EBNA1BP2: variants seen among roughly 807,000 people sequenced by gnomAD.
EBNA1BP2 encodes the protein EBNA1 binding protein 2, also known as probable rRNA-processing protein EBP2.
Under a neutral mutation model 43.5 loss-of-function variants are expected in EBNA1BP2, and 36 were observed. That is an observed-to-expected ratio of 0.83 (90% CI 0.63 to 1.09). The LOEUF (loss-of-function observed/expected upper bound fraction) is 1.09. Ranked by LOEUF, EBNA1BP2 falls within the 50% of genes least tolerant of loss-of-function variation. The pLI, the probability that EBNA1BP2 is intolerant of heterozygous loss-of-function variation, is 0.00. For synonymous variants in EBNA1BP2, 127 were observed against 141.3 expected (o/e 0.90, Z 0.72); for missense variants, 332 against 379.1 (o/e 0.88, Z 1.03).
chr1:43,164,342 G>T lies in EBNA1BP2; in HGVS notation c.*101C>A. The T allele has an allele frequency of 7.0e-7, 1 of 1,429,026 alleles. No individual in the cohort carries two copies. The highest frequency in any genetic ancestry group is 1.2e-5 in the South Asian group (1 of 83,994). 88.5% of individuals were successfully genotyped at this position (1,429,026 alleles called of 1,614,324 possible). ...ATAATTTTTCTTTAGTTTATTGAAA[G>T]AAATGTTTACAACATGACACCAACA... On this transcript the variant is annotated 3_prime_UTR_variant, in exon 9 of 9. Transcript: ENST00000236051.
chr1:43,164,559 A>T lies in EBNA1BP2; in HGVS notation c.871-66T>A, dbSNP rs1187202594. 3 of 1,613,954 alleles carry T rather than the reference A, an allele frequency of 1.9e-6. No individual in the cohort carries two copies. The African/African-American group carries it at 4.0e-5, about 22-fold the overall frequency. ...TGCCTTCTGCCCCAGGGTGAGGACGAACAGAACTGAAGGGAGAGGGCAGGG... is the reference window on the plus strand; with the variant it reads ...TGCCTTCTGCCCCAGGGTGAGGACGTACAGAACTGAAGGGAGAGGGCAGGG... On this transcript the variant is annotated intron_variant, in intron 8 of 8. Transcript: ENST00000236051.
intron 2 of EBNA1BP2, 25 bp downstream of exon 2, chr1:43,171,860 AC>A (rs1557712431): frequency 8.7e-6 from 14 of 1,611,438 alleles, no homozygotes; most frequent in Admixed American, 1.7e-5. Context: ...ATGTCCGAGT[AC>A]CCCCGACCCT....
At chr1:43,167,973 C>T (rs1399586877) in intron 5 of EBNA1BP2, among the ~76,000 whole-genome samples, 1 of 152,068 alleles carries the variant, frequency 6.6e-6, no homozygotes, top group East Asian at 1.9e-4. Flanking sequence ...CAAATTCACC[C>T]CCAGTTAACA....
upstream of EBNA1BP2, chr1:43,172,380 C>A (rs1164986478): frequency 6.4e-7 from 1 of 1,551,480 alleles, no homozygotes; most frequent in African/African-American, 1.4e-5. Context: ...TGAAAGTGTC[C>A]GGGTTGCTTA....
chr1:43,171,247 A>C, intron 3 of EBNA1BP2: 1 of 549,186 alleles, frequency 1.8e-6, no homozygotes, highest in Non-Finnish European at 3.0e-6. Context: ...GCATGCACAA[A>C]AAGTTTTAAC....
At chr1:43,164,913 C>G in intron 7 of EBNA1BP2, 108 bp from the exon 8 acceptor site, 1 of 1,370,288 alleles carries the variant, frequency 7.3e-7, no homozygotes, top group South Asian at 1.4e-5. Flanking sequence ...CCCTTAGGCA[C>G]GTCTGTAACC....
chr1:43,165,685 G>A (rs1366011714), intron 7 of EBNA1BP2, among the ~76,000 whole-genome samples: 1 of 152,038 alleles, frequency 6.6e-6, no homozygotes, highest in Non-Finnish European at 1.5e-5. Context: ...CAAAGCCCAA[G>A]CTCCTCAACA....
rs749755523 is a variant in EBNA1BP2, at chr1:43,164,843, TA to T, written c.708-39del. 9.3e-6 allele frequency: 15 copies of T among 1,605,710 alleles called. No individual in the cohort carries two copies. The African/African-American group carries it at 2.0e-4, about 22-fold the overall frequency. Reference sequence around the variant, plus strand: ...GGTCCTAGACATCACTACAGCACTGTAAAGCCTGATGAACCTGATGGCCCAG... The same window carrying T: ...GGTCCTAGACATCACTACAGCACTGTAAGCCTGATGAACCTGATGGCCCAG... On this transcript the variant is annotated intron_variant, in intron 7 of 8. Coordinates refer to ENST00000236051, the MANE Select transcript of EBNA1BP2 (RefSeq NM_006824.3).
At chr1:43,169,307 C>A (rs1403077564) in intron 4 of EBNA1BP2, among the ~76,000 whole-genome samples, 1 of 152,174 alleles carries the variant, frequency 6.6e-6, no homozygotes, top group African/African-American at 2.4e-5. Flanking sequence ...AGACAAACTT[C>A]TCCCCATTTC....
intron 3 of EBNA1BP2, chr1:43,171,211 G>T: frequency 4.2e-6 from 2 of 476,386 alleles, no homozygotes; most frequent in Non-Finnish European, 7.1e-6. Context: ...AGCAATGTTT[G>T]TTTGTTTGTT....
At chr1:43,164,849 C>G (rs1644908126) in intron 7 of EBNA1BP2, 44 bp from the exon 8 acceptor site, 1 of 1,599,828 alleles carries the variant, frequency 6.3e-7, no homozygotes, top group African/African-American at 1.3e-5. Flanking sequence ...ACTGTAAAGC[C>G]TGATGAACCT....
At chr1:43,168,876 C>T in intron 5 of EBNA1BP2, 63 bp downstream of exon 5, 6 of 1,542,902 alleles carry the variant, frequency 3.9e-6, no homozygotes, top group Non-Finnish European at 3.6e-6. Context: ...CAAGTCAGAC[C>T]ACGGCAATCT....
chr1:43,167,238 G>A lies in EBNA1BP2; in HGVS notation c.538-3C>T, dbSNP rs1644925193. 3 of 1,614,004 alleles carry A rather than the reference G, an allele frequency of 1.9e-6. No individual in the cohort carries two copies. The highest frequency in any genetic ancestry group is 2.5e-6 in the Non-Finnish European group (3 of 1,179,964). ...TTCTGAAGAACCTCCGTTTGCACCT[G>A]TGATATGAACACAAGGACCGTTACA... On this transcript the variant is annotated splice_polypyrimidine_tract_variant and splice_region_variant and intron_variant, in intron 5 of 8. Coordinates refer to ENST00000236051, the MANE Select transcript of EBNA1BP2 (RefSeq NM_006824.3).
intron 3 of EBNA1BP2, 64 bp from the exon 4 acceptor site, chr1:43,170,943 G>A (rs1277102399): frequency 3.4e-6 from 5 of 1,469,254 alleles, no homozygotes; most frequent in Admixed American, 2.8e-5. Flanking sequence ...CCTTTTCACC[G>A]CCAATCATGA....
intron 4 of EBNA1BP2, among the ~76,000 whole-genome samples, chr1:43,169,435 A>G (rs1048870284): frequency 2.6e-5 from 4 of 152,180 alleles, no homozygotes; most frequent in Admixed American, 6.5e-5. Context: ...TCAGTCAAAC[A>G]TACACATTTT....
At chr1:43,171,422 T>G in intron 3 of EBNA1BP2, 57 bp downstream of exon 3, 1 of 1,548,154 alleles carries the variant, frequency 6.5e-7, no homozygotes. Flanking sequence ...TTTCCCCTCT[T>G]TCCCACTCTC....
At chr1:43,169,900 G>C (rs1644944130) in intron 4 of EBNA1BP2, among the ~76,000 whole-genome samples, 1 of 152,104 alleles carries the variant, frequency 6.6e-6, no homozygotes, top group Non-Finnish European at 1.5e-5. Context: ...ACTATGCATG[G>C]AACTATGCAT....
chr1:43,166,874 A>T lies in EBNA1BP2; in HGVS notation c.659T>A (p.Leu220Gln). 1 of 1,613,116 alleles carries T rather than the reference A, an allele frequency of 6.2e-7. No homozygotes were observed. The highest frequency in any genetic ancestry group is 8.5e-7 in the Non-Finnish European group (1 of 1,179,728). Residue 220 changes from leucine to glutamine, a missense_variant, in exon 7 of 9, where the codon CTG becomes CAG. Physicochemically the swap from Leu to Gln is moderately radical, Grantham distance 113. Transcript: ENST00000236051. ...LDFLEGDQKP[L>Q]AQRKKAGAKG... ...GGCTCCTGCCTTCTTGCGCTGTGCCAGAGGTTTCTGATCTCCCTCAAGGAA... is the reference window on the plus strand; with the variant it reads ...GGCTCCTGCCTTCTTGCGCTGTGCCTGAGGTTTCTGATCTCCCTCAAGGAA...
chr1:43,169,983 C>T (rs745846977), intron 4 of EBNA1BP2, among the ~76,000 whole-genome samples: 28 of 152,080 alleles, frequency 1.8e-4, no homozygotes, highest in Admixed American at 3.3e-4. Context: ...GGTTTCATCC[C>T]AAAACTATCC....
Sources: allele counts gnomAD v4.1 joint callset (sites outside exome capture counted in the v4.1 genomes callset), GRCh38; gene constraint gnomAD v4.1.1; transcripts MANE v1.5; gene names NCBI Gene and HGNC (gene_info 2026-07-23, HGNC 2026-07-21).